Variants in UTRN observed in about 807,000 individuals in gnomAD.
UTRN encodes the protein utrophin, also known as dystrophin-related protein 1.
In UTRN, 283 loss-of-function variants were observed where a neutral mutation model predicts 463.9. The ratio of observed to expected loss-of-function variants is 0.61; its 90% CI spans 0.55 to 0.67. The LOEUF is 0.67. Among genes scored for constraint, UTRN ranks in the 30% least tolerant of loss-of-function variants. The probability of loss-of-function intolerance (pLI) is 0.00; values close to 1 mark genes in which losing one functional copy is unlikely to be tolerated. For missense variants in UTRN, 3,922 were observed against 4,084.3 expected (o/e 0.96, Z 1.08); for synonymous variants, 1,442 against 1,431.5 (o/e 1.01, Z -0.17).
intron 2 of UTRN, among the ~76,000 whole-genome samples, chr6:144,386,406 C>A (rs1449896531): frequency 6.6e-6 from 1 of 152,122 alleles, no homozygotes; most frequent in East Asian, 1.9e-4. Context: ...CTGCAGTGAG[C>A]CGTGATCATA....
chr6:144,541,708 A>G (rs1386427111), intron 45 of UTRN, among the ~76,000 whole-genome samples: 1 of 152,206 alleles, frequency 6.6e-6, no homozygotes, highest in Non-Finnish European at 1.5e-5. Flanking sequence ...AGAGCTTATC[A>G]TGGATGAGAC....
chr6:144,724,222 CTTTTTTTTTTTT>C (rs34507977), intron 53 of UTRN, among the ~76,000 whole-genome samples: 2 of 78,114 alleles, frequency 2.6e-5, no homozygotes, highest in African/African-American at 1.2e-4. Context: ...AGATTCATAA[CTTTTTTTTTTTT>C]TTTTTTTTTT....
intron 51 of UTRN, 132 bp downstream of exon 51, chr6:144,577,420 G>A: frequency 1.1e-6 from 1 of 900,656 alleles, no homozygotes; most frequent in Non-Finnish European, 1.6e-6. Context: ...GCTCTCCTGT[G>A]AATAATAGGT....
intron 54 of UTRN, among the ~76,000 whole-genome samples, chr6:144,730,805 A>G (rs1252938783): frequency 2.6e-5 from 4 of 151,566 alleles, no homozygotes; most frequent in African/African-American, 9.7e-5. Context: ...AACAAGTTAC[A>G]TGATAAATAA....
intron 51 of UTRN, among the ~76,000 whole-genome samples, chr6:144,615,598 A>G (rs868781768): frequency 1.3e-5 from 2 of 152,012 alleles, no homozygotes; most frequent in African/African-American, 4.8e-5. Flanking sequence ...CACCTACCCT[A>G]TGTATTCCTA....
In UTRN at chr6:144,828,846, C is replaced by T. The variant is rs760739640; in HGVS notation, c.9656C>T (p.Thr3219Ile). Residue 3219 changes from threonine (T) to isoleucine (I), a missense_variant, in exon 69 of 75, where the codon ACA (threonine) becomes ATA (isoleucine). Physicochemically the swap from Thr to Ile is moderately conservative, Grantham distance 89 (BLOSUM62 -1). Transcript: ENST00000367545. Reference sequence around the variant, plus strand: ...TTTCTCACTGATAGCAGCTCCACCACAGGAAGTGTGTAAGTAAATCATGAA... The same window carrying T: ...TTTCTCACTGATAGCAGCTCCACCATAGGAAGTGTGTAAGTAAATCATGAA... ...GSFLTDSSST[T>I]GSVEDEHALI... 6.2e-7 allele frequency: 1 copy of T among 1,613,382 alleles called. No homozygotes were observed. Among genetic ancestry groups the T allele is most frequent in the Admixed American group, 1.7e-5 (1 of 59,960 alleles).
intron 51 of UTRN, among the ~76,000 whole-genome samples, chr6:144,639,876 G>A (rs1294448686): frequency 1.3e-5 from 2 of 151,926 alleles, no homozygotes; most frequent in Non-Finnish European, 2.9e-5. Context: ...AGCGTCTGCA[G>A]ATAATTCTGA....
rs770114246 is a variant in UTRN at position 144,516,958 on chromosome 6, T to C, written c.5541+10T>C. 1 of 1,456,804 alleles carries C rather than the reference T, an allele frequency of 6.9e-7. No homozygotes were observed. 90.2% of individuals were successfully genotyped at this position (1,456,804 alleles called of 1,614,324 possible). ...ATACAACAAAATTAAGGTATTATGATTGGAGAGTCTCTGTTGCATTTAAAT... is the reference window on the plus strand; with the variant it reads ...ATACAACAAAATTAAGGTATTATGACTGGAGAGTCTCTGTTGCATTTAAAT... On this transcript the variant is annotated intron_variant, in intron 39 of 74. Coordinates refer to ENST00000367545, the MANE Select transcript of UTRN (RefSeq NM_007124.3).
rs1400498449 is a variant in UTRN at position 144,468,829 on chromosome 6, G to A, written c.3067-4891G>A. 2.0e-5 allele frequency among the ~76,000 whole-genome samples: 3 copies of A among 152,148 alleles called. No homozygotes were observed. The East Asian group carries it at 5.8e-4, about 29-fold the overall frequency. The stretch of plus-strand genomic sequence containing the variant: ...ACTTTTGGTATGTTTGAAAAGCACA[G>A]GAAACATCTGCTACAGGTTGATTGT... On this transcript the variant is annotated intron_variant, in intron 23 of 74. Coordinates refer to ENST00000367545, the MANE Select transcript of UTRN (RefSeq NM_007124.3).
intron 60 of UTRN, among the ~76,000 whole-genome samples, chr6:144,781,325 G>A (rs79664036): frequency 0.012 from 1,752 of 152,240 alleles, 33 homozygotes; most frequent in African/African-American, 0.04. Context: ...CCAGGTTAGG[G>A]CCAGTTTGTG....
At chr6:144,298,979 A>T (rs1804998412) in intron 2 of UTRN, among the ~76,000 whole-genome samples, 1 of 152,216 alleles carries the variant, frequency 6.6e-6, no homozygotes, top group Non-Finnish European at 1.5e-5. Flanking sequence ...TACAATATTT[A>T]TATGCAAAAG....
chr6:144,592,830 C>A (rs941260871), intron 51 of UTRN, among the ~76,000 whole-genome samples: 4 of 152,088 alleles, frequency 2.6e-5, no homozygotes, highest in East Asian at 1.9e-4. Context: ...AAAATCATAA[C>A]CCTGTTATAG....
intron 53 of UTRN, among the ~76,000 whole-genome samples, chr6:144,700,526 G>T (rs906092629): frequency 6.6e-6 from 1 of 151,904 alleles, no homozygotes; most frequent in South Asian, 2.1e-4. Flanking sequence ...ATAGGTTTTA[G>T]AATCATAATA....
chr6:144,825,041 C>T lies in UTRN; in HGVS notation c.9495-2307C>T, dbSNP rs73596548. 7.8e-3 allele frequency among the ~76,000 whole-genome samples: 1,183 copies of T among 152,114 alleles called. 18 individuals carry two copies. The highest frequency in any genetic ancestry group is 0.026 in the African/African-American group (1,068 of 41,494). ...TCAAGTGATCCTCCCGCCTCAGCCTCCCAAAGTGCTGAGATTATAGGTATA... is the reference window on the plus strand; with the variant it reads ...TCAAGTGATCCTCCCGCCTCAGCCTTCCAAAGTGCTGAGATTATAGGTATA... On this transcript the variant is annotated intron_variant, in intron 66 of 74. Transcript: ENST00000367545.
intron 2 of UTRN, among the ~76,000 whole-genome samples, chr6:144,372,114 C>T (rs905339481): frequency 1.3e-5 from 2 of 152,234 alleles, no homozygotes; most frequent in African/African-American, 4.8e-5. Flanking sequence ...TTAAGAAGGG[C>T]CTTCTGGTAT....
intron 69 of UTRN, among the ~76,000 whole-genome samples, chr6:144,829,733 A>C (rs1780502059): frequency 6.6e-6 from 1 of 151,234 alleles, no homozygotes; most frequent in Non-Finnish European, 1.5e-5. Context: ...AACTATGGAG[A>C]GTGCTAGGTT....
chr6:144,353,951 C>T (rs1778335680), intron 2 of UTRN, among the ~76,000 whole-genome samples: 1 of 152,172 alleles, frequency 6.6e-6, no homozygotes, highest in Non-Finnish European at 1.5e-5. Flanking sequence ...CTGGGTGCTG[C>T]GGTCGTTGTT....
Position 144,537,575 on chromosome 6 carries a change from CT to C in UTRN, c.6234-3del. 6.5e-7 allele frequency: 1 copy of C among 1,544,982 alleles called. No individual in the cohort carries two copies. Among genetic ancestry groups the C allele is most frequent in the Non-Finnish European group, 8.7e-7 (1 of 1,149,070 alleles). On this transcript the variant is annotated splice_polypyrimidine_tract_variant and splice_region_variant and intron_variant, in intron 43 of 74. Transcript: ENST00000367545. ...CCTCAATATTTTTAAATAATATATT[CT>C]TTTAGGCTAAAAGGAGAAAGTAAGC...
chr6:144,325,083 G>T (rs1464102934), intron 2 of UTRN, among the ~76,000 whole-genome samples: 1 of 152,164 alleles, frequency 6.6e-6, no homozygotes, highest in Non-Finnish European at 1.5e-5. Context: ...TTAGCCCAGA[G>T]AGCATGGCAA....
Sources: allele counts gnomAD v4.1 joint callset (sites outside exome capture counted in the v4.1 genomes callset), GRCh38; gene constraint gnomAD v4.1.1; transcripts MANE v1.5; gene names NCBI Gene and HGNC (gene_info 2026-07-23, HGNC 2026-07-21).